Variants in BEND7 observed in about 807,000 individuals in gnomAD.
BEND7 encodes the protein BEN domain-containing protein 7.
A neutral mutation model predicts 50.9 loss-of-function variants in BEND7; 28 were observed. The ratio of observed to expected loss-of-function variants is 0.55; its 90% confidence interval spans 0.41 to 0.75. BEND7 has a LOEUF of 0.75. BEND7 is among the 30% of genes least tolerant of loss of function. The pLI, the probability that BEND7 is intolerant of heterozygous loss-of-function variation, is 0.00. For synonymous variants in BEND7, 170 were observed against 183.9 expected (o/e 0.92, Z 0.61); for missense variants, 477 against 491.3 (o/e 0.97, Z 0.28).
At chr10:13,495,203 C>T (rs537600248) in intron 4 of BEND7, among the ~76,000 whole-genome samples, 1 of 152,274 alleles carries the variant, frequency 6.6e-6, no homozygotes, top group South Asian at 2.1e-4. Flanking sequence ...GAAAAGAATC[C>T]GAACATCATA....
chr10:13,455,737 G>A (rs971647552), intron 6 of BEND7, among the ~76,000 whole-genome samples: 8 of 152,196 alleles, frequency 5.3e-5, no homozygotes, highest in Non-Finnish European at 8.8e-5. Context: ...CTGAACCCAC[G>A]GAAAGGGAAG....
At chr10:13,504,501 A>AT (rs1177913115) in intron 2 of BEND7, among the ~76,000 whole-genome samples, 5 of 152,122 alleles carry the variant, frequency 3.3e-5, no homozygotes, top group Admixed American at 2.0e-4. Flanking sequence ...AAGTTCTTTG[A>AT]TAAAAAAAAA....
intron 5 of BEND7, among the ~76,000 whole-genome samples, chr10:13,486,591 G>A (rs2076242050): frequency 6.6e-6 from 1 of 152,176 alleles, no homozygotes; most frequent in Admixed American, 6.5e-5. Context: ...CTAAAAGTAG[G>A]TGCAATTTAC....
intron 6 of BEND7, among the ~76,000 whole-genome samples, chr10:13,472,284 C>T (rs924298683): frequency 6.6e-6 from 1 of 152,100 alleles, no homozygotes; most frequent in African/African-American, 2.4e-5. Context: ...GGGGTCAATA[C>T]CCATCATCAC....
intron 5 of BEND7, among the ~76,000 whole-genome samples, chr10:13,491,410 T>C (rs1325992560): frequency 6.6e-6 from 1 of 151,862 alleles, no homozygotes; most frequent in Non-Finnish European, 1.5e-5. Flanking sequence ...GTGATCTACC[T>C]GGGGTTTGAC....
chr10:13,469,666 G>A lies in BEND7; in HGVS notation c.1063+11233C>T, dbSNP rs1488126949. ...TAATTTTTCTATTTGTAGTAGAGAC[G>A]GAGTTTCACCATGTTGGCCAGGATG... On this transcript the variant is annotated intron_variant, in intron 6 of 8. Transcript: ENST00000466271. 3.9e-5 allele frequency among the ~76,000 whole-genome samples: 6 copies of A among 151,994 alleles called. No individual in the cohort carries two copies. In the East Asian group the frequency reaches 9.7e-4, roughly 25 times the overall value.
At chr10:13,503,045 G>T in intron 2 of BEND7, 1 of 460,266 alleles carries the variant, frequency 2.2e-6, no homozygotes, top group Non-Finnish European at 2.9e-6. Context: ...GGGCAAATCT[G>T]CTTTGTCATG....
In BEND7 at chr10:13,511,943, C is replaced by G. The variant is rs561514204; in HGVS notation, c.146-11863G>C. 9.8e-5 allele frequency among the ~76,000 whole-genome samples: 15 copies of G among 152,296 alleles called. No homozygotes were observed. The South Asian group carries it at 3.1e-3, about 32-fold the overall frequency. On this transcript the variant is annotated intron_variant, in intron 2 of 8. Coordinates refer to ENST00000466271, the MANE Select transcript of BEND7 (RefSeq NM_001369863.1). The stretch of plus-strand genomic sequence containing the variant: ...GGCAGGAAGGACTCCATTCATGAGA[C>G]TATCAAGCCGGTGTCCAGGGAGCTG...
chr10:13,491,226 T>C (rs995796591), intron 5 of BEND7, among the ~76,000 whole-genome samples: 3 of 151,290 alleles, frequency 2.0e-5, no homozygotes, highest in South Asian at 2.1e-4. Context: ...GGTAGGAGAA[T>C]TGCTTGAACC....
chr10:13,475,607 CTATAT>C (rs1358921954), intron 6 of BEND7, among the ~76,000 whole-genome samples: 6 of 152,292 alleles, frequency 3.9e-5, no homozygotes, highest in Admixed American at 2.0e-4. Context: ...TGATGTATAG[CTATAT>C]TTTAAACAGA....
At chr10:13,489,736 T>C (rs1428620819) in intron 5 of BEND7, among the ~76,000 whole-genome samples, 1 of 152,080 alleles carries the variant, frequency 6.6e-6, no homozygotes, top group African/African-American at 2.4e-5. Flanking sequence ...AGTAGAGCCT[T>C]GAAGGGGAGT....
intron 2 of BEND7, chr10:13,500,847 A>C: frequency 3.0e-6 from 3 of 985,362 alleles, no homozygotes; most frequent in Non-Finnish European, 3.6e-6. Flanking sequence ...GAAGGGCGGA[A>C]GTGCAACCTC....
At chr10:13,496,353 G>A (rs1402898970) in intron 4 of BEND7, among the ~76,000 whole-genome samples, 2 of 152,214 alleles carry the variant, frequency 1.3e-5, no homozygotes, top group African/African-American at 4.8e-5. Flanking sequence ...CTGAGCTTCC[G>A]CATCCTGAAT....
At chr10:13,455,345 G>A (rs2131127449) in intron 6 of BEND7, among the ~76,000 whole-genome samples, 1 of 152,214 alleles carries the variant, frequency 6.6e-6, no homozygotes, top group South Asian at 2.1e-4. Flanking sequence ...AGCACGGCTG[G>A]CCAGGCAGGA....
chr10:13,495,360 T>C (rs2076953402), intron 4 of BEND7, among the ~76,000 whole-genome samples: 1 of 152,186 alleles, frequency 6.6e-6, no homozygotes, highest in Admixed American at 6.5e-5. Context: ...CCAAATTCAG[T>C]GCTTAAAAAG....
At chr10:13,504,941 A>T (rs527878328) in intron 2 of BEND7, among the ~76,000 whole-genome samples, 2 of 152,198 alleles carry the variant, frequency 1.3e-5, no homozygotes, top group Non-Finnish European at 2.9e-5. Context: ...GATCTGATAC[A>T]TGTGAGGGCA....
chr10:13,445,466 T>C (rs960994500), intron 8 of BEND7: 2 of 152,230 alleles, frequency 1.3e-5, no homozygotes, highest in African/African-American at 4.8e-5. Flanking sequence ...GTATCATGGC[T>C]GGGAGTCGAG....
chr10:13,481,858 A>C (rs1453354478), intron 5 of BEND7, among the ~76,000 whole-genome samples: 1 of 152,212 alleles, frequency 6.6e-6, no homozygotes, highest in African/African-American at 2.4e-5. Flanking sequence ...GGGATACGGA[A>C]TCAGAGGACG....
chr10:13,481,263 T>C, intron 5 of BEND7, 139 bp from the exon 6 acceptor site: 1 of 758,702 alleles, frequency 1.3e-6, no homozygotes, highest in Non-Finnish European at 2.1e-6. Context: ...TTTCTTTGTC[T>C]GCCAGGATCT....
Sources: allele counts gnomAD v4.1 joint callset (sites outside exome capture counted in the v4.1 genomes callset), GRCh38; gene constraint gnomAD v4.1.1; transcripts MANE v1.5; gene names NCBI Gene and HGNC (gene_info 2026-07-23, HGNC 2026-07-21).